SCARB2: variants seen among roughly 807,000 people sequenced by gnomAD.
SCARB2 encodes the protein scavenger receptor class B member 2, also known as lysosome membrane protein 2.
SCARB2 carries 29 observed loss-of-function variants against 58.6 expected under a neutral mutation model. The ratio of observed to expected loss-of-function variants is 0.49; its 90% CI spans 0.37 to 0.67. SCARB2 has a LOEUF of 0.67. Ranked by LOEUF, SCARB2 falls within the 30% of genes least tolerant of loss-of-function variation. The pLI is 0.00. For missense variants in SCARB2, 488 were observed against 578.5 expected (o/e 0.84, Z 1.60); for synonymous variants, 195 against 210.1 (o/e 0.93, Z 0.62).
chr4:76,217,641 C>A, upstream of SCARB2: 1 of 654,370 alleles, frequency 1.5e-6, no homozygotes, highest in Non-Finnish European at 2.8e-6. Flanking sequence ...CTTGTCCAGC[C>A]TGCAGAACCA....
At chr4:76,208,713 A>G (rs1732979825) in intron 1 of SCARB2, among the ~76,000 whole-genome samples, 1 of 152,134 alleles carries the variant, frequency 6.6e-6, no homozygotes, top group South Asian at 2.1e-4. Flanking sequence ...GATTTCTATG[A>G]GCTTCCCCTT....
chr4:76,165,894 G>C (rs1017792687), intron 10 of SCARB2: 8 of 359,856 alleles, frequency 2.2e-5, no homozygotes, highest in African/African-American at 1.7e-4. Flanking sequence ...CAAAGAAGGG[G>C]GAGACAAAGG....
At chr4:76,224,326 G>C (rs1002480030) in intron 1 of SCARB2, among the ~76,000 whole-genome samples, 3 of 152,146 alleles carry the variant, frequency 2.0e-5, no homozygotes, top group African/African-American at 7.2e-5. Flanking sequence ...TATGACAGGA[G>C]GTAGTTTTGC....
At chr4:76,206,025 G>A (rs980773897) in intron 1 of SCARB2, among the ~76,000 whole-genome samples, 3 of 152,284 alleles carry the variant, frequency 2.0e-5, no homozygotes. Context: ...AAGGTGGTGA[G>A]ATTAGGAGGT....
rs549188324 is a variant in SCARB2 at position 76,213,675 on chromosome 4, G to A, written c.-132C>T. 34 of 697,956 alleles carry A rather than the reference G, an allele frequency of 4.9e-5. No individual in the cohort carries two copies. The East Asian group carries it at 7.2e-4, about 15-fold the overall frequency. The allele number at this position is 697,956 out of a possible 1,614,324, so 43.2% of individuals were successfully genotyped here. ...CACGCCCACGCCCTCCCGGCGCACG[G>A]TTCGTGCGCGCAGCTCTGGGCTCCG... On this transcript the variant is annotated 5_prime_UTR_variant, in exon 1 of 12. Coordinates refer to ENST00000264896, the MANE Select transcript of SCARB2 (RefSeq NM_005506.4).
chr4:76,196,353 A>T (rs542491075), intron 1 of SCARB2, among the ~76,000 whole-genome samples: 1 of 152,254 alleles, frequency 6.6e-6, no homozygotes, highest in Non-Finnish European at 1.5e-5. Context: ...ACTCTGTCTC[A>T]AAATAAATTA....
In SCARB2 at chr4:76,174,128, C is replaced by T; in HGVS notation, c.994+16G>A. On this transcript the variant is annotated intron_variant, in intron 7 of 11. Transcript: ENST00000264896. ...ATTCTTGACACCCCTATCATGTCCC[C>T]TCTCTGAGTTCTTACCATTCTTGCA... is the stretch of plus-strand genomic sequence containing the variant. 6.2e-7 allele frequency: 1 copy of T among 1,613,204 alleles called. No homozygotes were observed. The highest frequency in any genetic ancestry group is 8.5e-7 in the Non-Finnish European group (1 of 1,179,962).
At chr4:76,205,349 A>T (rs1210105743) in intron 1 of SCARB2, among the ~76,000 whole-genome samples, 12 of 151,576 alleles carry the variant, frequency 7.9e-5, no homozygotes, top group African/African-American at 2.2e-4. Context: ...AAACAAAAAC[A>T]AAAATAAAAT....
At chr4:76,222,650 G>A (rs1313183533) in intron 1 of SCARB2, among the ~76,000 whole-genome samples, 1 of 152,186 alleles carries the variant, frequency 6.6e-6, no homozygotes, top group Non-Finnish European at 1.5e-5. Flanking sequence ...TTCTTTCAGA[G>A]TCAACAGCAC....
Position 76,161,464 on chromosome 4 carries a change from G to A in SCARB2, c.*249C>T, listed in dbSNP as rs1015547335. 3.6e-6 allele frequency: 2 copies of A among 559,844 alleles called. No individual in the cohort carries two copies. Among genetic ancestry groups the A allele is most frequent in the Middle Eastern group, 4.9e-4 (1 of 2,040 alleles). 34.7% of individuals were successfully genotyped at this position (559,844 alleles called of 1,614,324 possible). ...AACAACAACAAAATTACTATACAAG[G>A]GTTTATTAAATACTTGCTAGACACA... On this transcript the variant is annotated 3_prime_UTR_variant, in exon 12 of 12. Transcript: ENST00000264896.
Position 76,181,009 on chromosome 4 carries a change from T to G in SCARB2, c.368A>C (p.Gln123Pro), listed in dbSNP as rs1182286038. The G allele has an allele frequency of 1.2e-6, 2 of 1,613,674 alleles. No individual in the cohort carries two copies. Among genetic ancestry groups the G allele is most frequent in the Admixed American group, 1.7e-5 (1 of 59,992 alleles). Residue 123 changes from glutamine to proline, a missense_variant, in exon 3 of 12, where the codon CAA (glutamine) becomes CCA (proline). By Grantham distance (76) the Gln-to-Pro change is moderately conservative (BLOSUM62 -1). Transcript: ENST00000264896. ...GTCAATTTTAGGGTCTCCAACAGAT[T>G]GGTCTCGTTCAAAAACATAGGCCTT... is the stretch of plus-strand genomic sequence containing the variant. ...SNKAYVFERD[Q>P]SVGDPKIDLI...
intron 1 of SCARB2, among the ~76,000 whole-genome samples, chr4:76,225,618 T>A (rs1042602515): frequency 6.6e-6 from 1 of 152,270 alleles, no homozygotes; most frequent in Non-Finnish European, 1.5e-5. Flanking sequence ...TTTTCTCAAA[T>A]GCTTTTTCTG....
intron 3 of SCARB2, chr4:76,180,061 C>T (rs1217764941): frequency 1.0e-5 from 3 of 293,392 alleles, no homozygotes; most frequent in South Asian, 3.4e-5. Flanking sequence ...ATTATAAACC[C>T]GACCTACACC....
At chr4:76,230,644 TGA>T (rs1267806181) in intron 1 of SCARB2, among the ~76,000 whole-genome samples, 3 of 152,084 alleles carry the variant, frequency 2.0e-5, no homozygotes, top group African/African-American at 4.8e-5. Context: ...CTGGGGTATG[TGA>T]GAGAGAGAGG....
chr4:76,190,112 G>A (rs1363856520), intron 2 of SCARB2, among the ~76,000 whole-genome samples: 4 of 151,622 alleles, frequency 2.6e-5, no homozygotes, highest in South Asian at 2.1e-4. Context: ...AGGTTCAAGC[G>A]ATGCTCCCAC....
chr4:76,183,180 G>A (rs1314383074), intron 2 of SCARB2, among the ~76,000 whole-genome samples: 6 of 152,090 alleles, frequency 3.9e-5, no homozygotes, highest in African/African-American at 1.4e-4. Flanking sequence ...TTACACAGAA[G>A]ACTTCTAAGA....
intron 1 of SCARB2, among the ~76,000 whole-genome samples, chr4:76,212,746 A>C (rs1733081291): frequency 6.6e-6 from 1 of 152,248 alleles, no homozygotes. Context: ...ATCTAGAGGA[A>C]GAGACAAGTT....
intron 2 of SCARB2, among the ~76,000 whole-genome samples, chr4:76,190,230 G>A (rs550211156): frequency 7.2e-5 from 11 of 151,742 alleles, no homozygotes; most frequent in Middle Eastern, 3.4e-3. Context: ...GCCTAGTCTC[G>A]AACTCCTAAG....
At chr4:76,207,006 T>C (rs1471197879) in intron 1 of SCARB2, among the ~76,000 whole-genome samples, 2 of 152,198 alleles carry the variant, frequency 1.3e-5, no homozygotes, top group Non-Finnish European at 2.9e-5. Context: ...AAAACAGGGA[T>C]ATTATGTATT....
Sources: gnomAD v4.1 joint callset for allele counts (sites outside exome capture counted in the v4.1 genomes callset) on GRCh38, gnomAD v4.1.1 for gene constraint, MANE v1.5 for transcripts, NCBI Gene and HGNC (gene_info 2026-07-23, HGNC 2026-07-21) for gene names.